Variants in STK39 observed in about 807,000 individuals in gnomAD.
STK39 encodes the protein STE20/SPS1-related proline-alanine-rich protein kinase.
In STK39, 20 loss-of-function variants were observed where a neutral mutation model predicts 77.8. The ratio of observed to expected loss-of-function variants is 0.26; its 90% CI spans 0.18 to 0.37. The LOEUF is 0.37. Among genes scored for constraint, STK39 ranks in the 10% least tolerant of loss-of-function variants. The pLI is 1.00. For synonymous variants in STK39, 246 were observed against 234.1 expected (o/e 1.05, Z -0.47); for missense variants, 479 against 656.5 (o/e 0.73, Z 2.95).
intron 1 of STK39, among the ~76,000 whole-genome samples, chr2:168,204,394 T>C (rs1188840990): frequency 6.6e-6 from 1 of 152,152 alleles, no homozygotes; most frequent in Non-Finnish European, 1.5e-5. Flanking sequence ...GAATCTGTCA[T>C]TCACATAGGA....
chr2:168,215,212 A>G (rs1420970354), intron 1 of STK39, among the ~76,000 whole-genome samples: 2 of 152,192 alleles, frequency 1.3e-5, no homozygotes, highest in Non-Finnish European at 2.9e-5. Flanking sequence ...GACTGCTCCC[A>G]CAAACCACTG....
intron 1 of STK39, among the ~76,000 whole-genome samples, chr2:168,207,899 T>G (rs538403583): frequency 6.6e-6 from 1 of 152,224 alleles, no homozygotes; most frequent in African/African-American, 2.4e-5. Flanking sequence ...GTCCACACCT[T>G]AATAAGCAAA....
chr2:168,195,376 G>C (rs1689442810), intron 1 of STK39, among the ~76,000 whole-genome samples: 1 of 152,098 alleles, frequency 6.6e-6, no homozygotes, highest in South Asian at 2.1e-4. Flanking sequence ...CTCCAGCCTG[G>C]GCAACAGAGC....
chr2:168,002,802 A>T (rs1229438570), intron 16 of STK39, among the ~76,000 whole-genome samples: 1 of 152,102 alleles, frequency 6.6e-6, no homozygotes, highest in Non-Finnish European at 1.5e-5. Context: ...ACTAATGCTG[A>T]ATCTGTGTGC....
At chr2:168,092,357 A>C (rs1234282936) in intron 10 of STK39, among the ~76,000 whole-genome samples, 3 of 152,208 alleles carry the variant, frequency 2.0e-5, no homozygotes, top group Non-Finnish European at 4.4e-5. Flanking sequence ...TCAATACTAA[A>C]AAGGGCCATA....
intron 14 of STK39, among the ~76,000 whole-genome samples, chr2:168,057,223 C>T (rs559263098): frequency 5.3e-4 from 80 of 152,296 alleles, no homozygotes; most frequent in African/African-American, 1.9e-3. Context: ...GACAGAGTCT[C>T]GCTCTGTCGC....
chr2:168,236,630 G>T (rs1690618053), intron 1 of STK39, among the ~76,000 whole-genome samples: 1 of 152,160 alleles, frequency 6.6e-6, no homozygotes, highest in Non-Finnish European at 1.5e-5. Context: ...ATCGTATAAG[G>T]CGTAAGGAAG....
chr2:168,085,783 G>A (rs1437941705), intron 10 of STK39, among the ~76,000 whole-genome samples: 1 of 152,202 alleles, frequency 6.6e-6, no homozygotes, highest in Non-Finnish European at 1.5e-5. Context: ...AGAGTCCAGT[G>A]CCCTCTCCTT....
chr2:168,247,371 G>A lies in STK39; in HGVS notation c.65C>T (p.Ala22Val). The change falls in exon 1 of 18, where the codon GCG becomes GTG. Residue 22 changes from alanine to valine, a missense_variant. This residue lies in a region of STK39 where 96 missense variants were observed against 79.1 expected (regional missense o/e 1.21). Transcript: ENST00000355999. Reference protein sequence around the residue: ...QLPQQAAPVTAAAAAAPAAAT... With the variant: ...QLPQQAAPVTVAAAAAPAAAT... ...GGCCGCCGGGGCCGCCGCCGCCGCC[G>A]CTGTCACCGGGGCCGCCTGCTGGGG... 5 of 1,006,618 alleles carry A rather than the reference G, an allele frequency of 5.0e-6. No homozygotes were observed. The highest frequency in any genetic ancestry group is 6.1e-6 in the Non-Finnish European group (5 of 814,608). The allele number at this position is 1,006,618 out of a possible 1,614,324, so 62.4% of individuals were successfully genotyped here.
intron 14 of STK39, among the ~76,000 whole-genome samples, chr2:168,055,266 G>T (rs1685494595): frequency 6.6e-6 from 1 of 152,200 alleles, no homozygotes; most frequent in Non-Finnish European, 1.5e-5. Context: ...AATAATGATG[G>T]AATTAGAATT....
intron 16 of STK39, among the ~76,000 whole-genome samples, chr2:168,011,012 A>T (rs1684256471): frequency 6.6e-6 from 1 of 152,226 alleles, no homozygotes; most frequent in African/African-American, 2.4e-5. Context: ...CATATCATTT[A>T]AGGGGCTGGG....
At chr2:168,175,005 T>C (rs577534228) in intron 2 of STK39, among the ~76,000 whole-genome samples, 25 of 152,254 alleles carry the variant, frequency 1.6e-4, no homozygotes, top group African/African-American at 5.5e-4. Context: ...CTTCTTTTTG[T>C]GGTATCGCCT....
At chr2:167,983,477 AAAGGAAGGAAGG>A (rs35073385) in intron 16 of STK39, among the ~76,000 whole-genome samples, 67,693 of 130,654 alleles carry the variant, frequency 0.52, 17,853 homozygotes, top group Non-Finnish European at 0.57. Flanking sequence ...AAAAGAAATG[AAAGGAAGGAAGG>A]AAGGAAGGAA....
intron 1 of STK39, among the ~76,000 whole-genome samples, chr2:168,230,630 T>C (rs1690429320): frequency 6.6e-6 from 1 of 152,174 alleles, no homozygotes; most frequent in Non-Finnish European, 1.5e-5. Context: ...TACACAGCTA[T>C]AGATAGCTGA....
At chr2:168,014,482 A>G (rs934831381) in intron 15 of STK39, among the ~76,000 whole-genome samples, 1 of 151,804 alleles carries the variant, frequency 6.6e-6, no homozygotes, top group Non-Finnish European at 1.5e-5. Flanking sequence ...AAAAGAAAAG[A>G]AAAAAATAAA....
intron 16 of STK39, among the ~76,000 whole-genome samples, chr2:167,982,211 T>C (rs137961099): frequency 1.8e-4 from 27 of 152,372 alleles, no homozygotes; most frequent in African/African-American, 6.5e-4. Flanking sequence ...ATTTATTTTC[T>C]TGATTAGTCA....
chr2:168,035,746 G>A (rs1684935871), intron 14 of STK39, among the ~76,000 whole-genome samples: 1 of 152,190 alleles, frequency 6.6e-6, no homozygotes, highest in Non-Finnish European at 1.5e-5. Context: ...AACTTTGTGG[G>A]TGAGCAGGAT....
At chr2:168,092,111 C>T (rs1393497124) in intron 10 of STK39, among the ~76,000 whole-genome samples, 1 of 152,212 alleles carries the variant, frequency 6.6e-6, no homozygotes, top group East Asian at 1.9e-4. Flanking sequence ...GCCATCATAT[C>T]CACTTAAACA....
At chr2:168,209,562 G>T (rs2105693283) in intron 1 of STK39, among the ~76,000 whole-genome samples, 1 of 152,168 alleles carries the variant, frequency 6.6e-6, no homozygotes, top group African/African-American at 2.4e-5. Flanking sequence ...CGTAATCCCA[G>T]CTACTTACTC....
Sources: gnomAD v4.1 joint callset for allele counts (sites outside exome capture counted in the v4.1 genomes callset) on GRCh38, gnomAD v4.1.1 for gene constraint, gnomAD v4.1.1 regional missense constraint, MANE v1.5 for transcripts, NCBI Gene and HGNC (gene_info 2026-07-23, HGNC 2026-07-21) for gene names.